ZNF652: variants seen among roughly 807,000 people sequenced by gnomAD.
ZNF652 encodes zinc finger protein 652.
Under a neutral mutation model 45.2 loss-of-function variants are expected in ZNF652, and 16 were observed. The ratio of observed to expected loss-of-function variants is 0.35; its 90% CI spans 0.24 to 0.54. The LOEUF (loss-of-function observed/expected upper bound fraction) is 0.54. ZNF652 is among the 20% of genes least tolerant of loss of function. The pLI, the probability that ZNF652 is intolerant of heterozygous loss-of-function variation, is 0.91. For synonymous variants in ZNF652, 250 were observed against 260.6 expected (o/e 0.96, Z 0.39); for missense variants, 614 against 765.6 (o/e 0.80, Z 2.34).
chr17:49,348,592 G>T (rs1013891253), intron 1 of ZNF652, among the ~76,000 whole-genome samples: 4 of 151,990 alleles, frequency 2.6e-5, no homozygotes, highest in African/African-American at 7.3e-5. Context: ...GGGAGAGAAA[G>T]AAAACAAACC....
At position 49,292,847 on chromosome 17, in the gene ZNF652, AC is replaced by A. The variant is rs1050979634; in HGVS notation, c.*5565del. Among the ~76,000 whole-genome samples, 2 of 152,216 alleles carry A rather than the reference AC, an allele frequency of 1.3e-5. No individual in the cohort carries two copies. The highest frequency in any genetic ancestry group is 6.5e-5 in the Admixed American group (1 of 15,270). ...TGACATGGAGGAACAAAACAGAAAT[AC>A]GGTCAAAATTCTTGTCCAAGGTTTT... is the stretch of plus-strand genomic sequence containing the variant. On this transcript the variant is annotated 3_prime_UTR_variant, in exon 6 of 6. Transcript: ENST00000430262.
At chr17:49,312,127 G>C in intron 3 of ZNF652, 85 bp from the exon 4 acceptor site, 2 of 679,480 alleles carry the variant, frequency 2.9e-6, no homozygotes, top group Admixed American at 2.6e-5. Flanking sequence ...AAGCAATTAG[G>C]CCATCCTAAT....
At chr17:49,307,674 C>T (rs2069651390) in intron 5 of ZNF652, among the ~76,000 whole-genome samples, 1 of 151,542 alleles carries the variant, frequency 6.6e-6, no homozygotes, top group Admixed American at 6.6e-5. Context: ...ATCGCTTGAA[C>T]ATGGGAGGCA....
At chr17:49,329,373 A>G (rs927910204) in intron 1 of ZNF652, among the ~76,000 whole-genome samples, 1 of 152,234 alleles carries the variant, frequency 6.6e-6, no homozygotes, top group African/African-American at 2.4e-5. Flanking sequence ...GTATCAACGC[A>G]TATTTATAAA....
At chr17:49,355,847 G>A (rs555915751) in intron 1 of ZNF652, among the ~76,000 whole-genome samples, 60 of 152,024 alleles carry the variant, frequency 3.9e-4, no homozygotes, top group East Asian at 3.9e-3. Context: ...GCAGTGAGCC[G>A]AGATTGCACC....
intron 1 of ZNF652, among the ~76,000 whole-genome samples, chr17:49,334,602 A>G (rs1270990774): frequency 6.6e-6 from 1 of 152,120 alleles, no homozygotes; most frequent in African/African-American, 2.4e-5. Flanking sequence ...AACATGGTGA[A>G]ACCCCATCTC....
At chr17:49,305,881 A>C (rs2069622241) in intron 5 of ZNF652, among the ~76,000 whole-genome samples, 1 of 152,196 alleles carries the variant, frequency 6.6e-6, no homozygotes, top group African/African-American at 2.4e-5. Flanking sequence ...AACTGCAAAG[A>C]AACAGTCCAA....
At chr17:49,352,992 T>C (rs1305667975) in intron 1 of ZNF652, among the ~76,000 whole-genome samples, 1 of 152,044 alleles carries the variant, frequency 6.6e-6, no homozygotes, top group Admixed American at 6.6e-5. Flanking sequence ...AATGGGACAG[T>C]GGGAGGGAGT....
intron 2 of ZNF652, among the ~76,000 whole-genome samples, chr17:49,314,323 G>A (rs2069767314): frequency 6.6e-6 from 1 of 151,744 alleles, no homozygotes; most frequent in Non-Finnish European, 1.5e-5. Context: ...CACCATGCCT[G>A]GCTAATTTTT....
intron 1 of ZNF652, among the ~76,000 whole-genome samples, chr17:49,324,052 C>T (rs1209525241): frequency 6.6e-6 from 1 of 152,216 alleles, no homozygotes; most frequent in African/African-American, 2.4e-5. Flanking sequence ...AATGACAGTC[C>T]TAGATGGCAT....
At chr17:49,359,444 C>T (rs2070370574) in intron 1 of ZNF652, among the ~76,000 whole-genome samples, 1 of 152,084 alleles carries the variant, frequency 6.6e-6, no homozygotes, top group African/African-American at 2.4e-5. Context: ...TTCCAAAGTG[C>T]CAGTTAATAT....
In ZNF652 at chr17:49,291,953, T is replaced by C. The variant is rs1226914942; in HGVS notation, c.*6460A>G. On this transcript the variant is annotated 3_prime_UTR_variant, in exon 6 of 6. Coordinates refer to ENST00000430262, the MANE Select transcript of ZNF652 (RefSeq NM_001145365.3). ...TTATTCATCATCAAACATAACCAAT[T>C]CTCACAATTTTGCACTATCTCACCA... 2.0e-5 allele frequency among the ~76,000 whole-genome samples: 3 copies of C among 152,090 alleles called. No individual in the cohort carries two copies. The East Asian group carries it at 5.8e-4, about 29-fold the overall frequency.
At chr17:49,334,577 G>A (rs535202473) in intron 1 of ZNF652, among the ~76,000 whole-genome samples, 9 of 152,176 alleles carry the variant, frequency 5.9e-5, no homozygotes, top group African/African-American at 1.7e-4. Flanking sequence ...TCAGGAGTTC[G>A]AGACCAGCGT....
intron 1 of ZNF652, among the ~76,000 whole-genome samples, chr17:49,348,024 G>A (rs1213154740): frequency 6.6e-6 from 1 of 151,904 alleles, no homozygotes; most frequent in African/African-American, 2.4e-5. Context: ...GGGATTACAG[G>A]TGTGAGCCAC....
chr17:49,358,820 G>A (rs909178294), intron 1 of ZNF652, among the ~76,000 whole-genome samples: 1 of 152,170 alleles, frequency 6.6e-6, no homozygotes, highest in African/African-American at 2.4e-5. Context: ...CCTTGAGTAG[G>A]AGCTGCTGAT....
At position 49,327,753 on chromosome 17, in the gene ZNF652, ATATATATATATATATATATATATATATTT is replaced by A. The variant is rs1428165516; in HGVS notation, c.-258-9799_-258-9771del. On this transcript the variant is annotated intron_variant, in intron 1 of 5. Coordinates refer to ENST00000430262, the MANE Select transcript of ZNF652 (RefSeq NM_001145365.3). ...TAAATATATATATATATATATATAT[ATATATATATATATATATATATATATATTT>A]TTTTTTTTTTTTTTTAGTAGAGATA... 1.6e-3 allele frequency among the ~76,000 whole-genome samples: 29 copies of A among 17,814 alleles called. 2 individuals carry two copies. The highest frequency in any genetic ancestry group is 8.0e-3 in the African/African-American group (24 of 2,996). The allele number at this position is 17,814 out of a possible 152,430, so 11.7% of individuals were successfully genotyped here. A position where few individuals can be genotyped will look rare whatever the true frequency, so the allele number is the denominator to read the frequency against.
At chr17:49,346,885 A>G (rs566079160) in intron 1 of ZNF652, among the ~76,000 whole-genome samples, 1 of 152,218 alleles carries the variant, frequency 6.6e-6, no homozygotes, top group Non-Finnish European at 1.5e-5. Flanking sequence ...TGGTTTCTAG[A>G]TATTTCCCAC....
chr17:49,361,376 G>C (rs1026618302), intron 1 of ZNF652, among the ~76,000 whole-genome samples: 2 of 152,166 alleles, frequency 1.3e-5, no homozygotes, highest in African/African-American at 4.8e-5. Context: ...TGGGGGTGGA[G>C]AAAGGTCTGC....
chr17:49,298,538 G>C lies in ZNF652; in HGVS notation c.1696C>G (p.Pro566Ala). ...GGAGGTGGCGGGAGGTGAGGGACTGGAGGGATGGGAAGGTGGTGTGGGTGG... is the reference window on the plus strand; with the variant it reads ...GGAGGTGGCGGGAGGTGAGGGACTGCAGGGATGGGAAGGTGGTGTGGGTGG... ...PHHPHHLPIP[P>A]VPHLPPPPAL... The change falls in exon 6 of 6, where the codon CCA (proline) becomes GCA (alanine). Residue 566 changes from proline to alanine, a missense_variant. Pro to Ala is a conservative substitution (Grantham distance 27). This residue lies in a region of ZNF652 where 132 missense variants were observed against 137.2 expected (regional missense o/e 0.96). Transcript: ENST00000430262. The C allele has an allele frequency of 6.2e-7, 1 of 1,612,414 alleles. No homozygotes were observed. Among genetic ancestry groups the C allele is most frequent in the African/African-American group, 1.3e-5 (1 of 75,002 alleles).
Sources: gnomAD v4.1 joint callset for allele counts (sites outside exome capture counted in the v4.1 genomes callset) on GRCh38, gnomAD v4.1.1 for gene constraint, gnomAD v4.1.1 regional missense constraint, MANE v1.5 for transcripts, NCBI Gene and HGNC (gene_info 2026-07-23, HGNC 2026-07-21) for gene names.